The following ANKRD6 variants were observed in gnomAD, a reference collection of about 807,000 sequenced individuals.
The protein encoded by ANKRD6 is ankyrin repeat domain-containing protein 6.
In ANKRD6, 56 loss-of-function variants were observed where a neutral mutation model predicts 82.3. The ratio of observed to expected loss-of-function variants is 0.68; its 90% confidence interval spans 0.55 to 0.85. The LOEUF is 0.85. Ranked by LOEUF, ANKRD6 falls within the 40% of genes least tolerant of loss-of-function variation. The pLI is 0.00. For synonymous variants in ANKRD6, 347 were observed against 352.1 expected (o/e 0.99, Z 0.16); for missense variants, 852 against 907.6 (o/e 0.94, Z 0.79).
In ANKRD6 at chr6:89,435,911, T is replaced by C. The variant is rs139009699; in HGVS notation, c.-144+2536T>C. Among the ~76,000 whole-genome samples the C allele has an allele frequency of 4.6e-3, 703 of 152,368 alleles. 3 individuals are homozygous for C. Among genetic ancestry groups the C allele is most frequent in the Middle Eastern group, 0.01 (3 of 294 alleles). On this transcript the variant is annotated intron_variant, in intron 1 of 15. Coordinates refer to ENST00000339746, the MANE Select transcript of ANKRD6 (RefSeq NM_001242809.2). ...TGTGTTATTGTCTTTGTTTTATTTC[T>C]TCAAGGTCACATGGCTTTCCTTGGT...
intron 1 of ANKRD6, among the ~76,000 whole-genome samples, chr6:89,513,164 G>C (rs1472482197): frequency 1.3e-5 from 2 of 152,156 alleles, no homozygotes; most frequent in Admixed American, 1.3e-4. Flanking sequence ...TCAGTTTCCT[G>C]AGTAGCTGGG....
chr6:89,608,374 A>G (rs1799362920), intron 5 of ANKRD6, among the ~76,000 whole-genome samples: 1 of 102,242 alleles, frequency 9.8e-6, no homozygotes. Flanking sequence ...CACACTATAT[A>G]TATATATATA....
In ANKRD6 at chr6:89,629,097, GTTTT is replaced by G; in HGVS notation, c.1486-7_1486-4del. ...TTCTATGTACTTATTTGTGGGGTTT[GTTTT>G]TTTTTTTAAGATATCCTTGGTGGAT... On this transcript the variant is annotated splice_polypyrimidine_tract_variant and intron_variant, in intron 14 of 15. Coordinates refer to ENST00000339746, the MANE Select transcript of ANKRD6 (RefSeq NM_001242809.2). The G allele has an allele frequency of 1.5e-6, 2 of 1,346,562 alleles. No individual in the cohort carries two copies. The highest frequency in any genetic ancestry group is 2.0e-6 in the Non-Finnish European group (2 of 982,612). The allele number at this position is 1,346,562 out of a possible 1,614,324, so 83.4% of individuals were successfully genotyped here.
At chr6:89,455,145 G>A (rs1171210547) in intron 1 of ANKRD6, among the ~76,000 whole-genome samples, 1 of 142,344 alleles carries the variant, frequency 7.0e-6, no homozygotes, top group Non-Finnish European at 1.5e-5. Flanking sequence ...CACCCAGTGT[G>A]TGTGTGTTTT....
intron 1 of ANKRD6, among the ~76,000 whole-genome samples, chr6:89,545,281 G>A (rs1784956380): frequency 6.6e-6 from 1 of 152,046 alleles, no homozygotes; most frequent in African/African-American, 2.4e-5. Context: ...GGGGAATTTG[G>A]GAGTTCAAGA....
In ANKRD6 at chr6:89,579,340, A is replaced by AG. The variant is rs771719643; in HGVS notation, c.120+12248dup. ...TCAGTGTCAAATATAGTAGGCACTG[A>AG]GGGGATTCTGACAATGCAACAATGC... is the stretch of plus-strand genomic sequence containing the variant. On this transcript the variant is annotated intron_variant, in intron 2 of 15. Coordinates refer to ENST00000339746, the MANE Select transcript of ANKRD6 (RefSeq NM_001242809.2). Among the ~76,000 whole-genome samples the AG allele has an allele frequency of 1.5e-3, 228 of 152,330 alleles. 2 individuals are homozygous for AG. Among genetic ancestry groups the AG allele is most frequent in the Non-Finnish European group, 1.3e-3 (86 of 68,032 alleles).
At chr6:89,606,483 C>T (rs1798656113) in intron 5 of ANKRD6, among the ~76,000 whole-genome samples, 1 of 152,116 alleles carries the variant, frequency 6.6e-6, no homozygotes, top group African/African-American at 2.4e-5. Flanking sequence ...GTGGGCTCCC[C>T]TAGATGCTGC....
chr6:89,548,985 C>T (rs1286630465), intron 1 of ANKRD6, among the ~76,000 whole-genome samples: 1 of 152,264 alleles, frequency 6.6e-6, no homozygotes, highest in Middle Eastern at 3.4e-3. Context: ...GGCAGGTGAA[C>T]TGCTTGATCC....
At chr6:89,610,906 A>G (rs1203975538) in intron 5 of ANKRD6, among the ~76,000 whole-genome samples, 1 of 152,094 alleles carries the variant, frequency 6.6e-6, no homozygotes, top group Admixed American at 6.6e-5. Context: ...GTACTAAAAT[A>G]GGGATGCTGG....
intron 1 of ANKRD6, among the ~76,000 whole-genome samples, chr6:89,438,852 A>G (rs1770980588): frequency 6.6e-6 from 1 of 152,186 alleles, no homozygotes; most frequent in Admixed American, 6.5e-5. Flanking sequence ...CACATTGGCC[A>G]GTCTGATTTC....
intron 1 of ANKRD6, among the ~76,000 whole-genome samples, chr6:89,538,218 C>T (rs1784080689): frequency 6.6e-6 from 1 of 152,174 alleles, no homozygotes; most frequent in South Asian, 2.1e-4. Context: ...TACGTTTCTT[C>T]TCCATCTCAT....
At chr6:89,624,306 C>T (rs1804799128) in intron 12 of ANKRD6, among the ~76,000 whole-genome samples, 1 of 152,034 alleles carries the variant, frequency 6.6e-6, no homozygotes, top group Non-Finnish European at 1.5e-5. Flanking sequence ...TCTTGAGGCC[C>T]CAGGGTATAT....
intron 1 of ANKRD6, among the ~76,000 whole-genome samples, chr6:89,434,812 CA>C (rs1419471435): frequency 1.3e-5 from 2 of 151,832 alleles, no homozygotes; most frequent in Non-Finnish European, 2.9e-5. Context: ...CATATGGTAA[CA>C]AAAAATTTTT....
rs190869696 is a variant in ANKRD6, at chr6:89,552,276, G to C, written c.-143-14558G>C. Among the ~76,000 whole-genome samples, 9 of 152,326 alleles carry C rather than the reference G, an allele frequency of 5.9e-5. No individual in the cohort carries two copies. The East Asian group carries it at 1.7e-3, about 29-fold the overall frequency. On this transcript the variant is annotated intron_variant, in intron 1 of 15. Coordinates refer to ENST00000339746, the MANE Select transcript of ANKRD6 (RefSeq NM_001242809.2). The stretch of plus-strand genomic sequence containing the variant: ...CTTCCTTAGGGGTCAGAGTCCACCA[G>C]GTTAGAGTGCTTCTTCCTGCCATGG...
intron 1 of ANKRD6, among the ~76,000 whole-genome samples, chr6:89,538,799 T>C (rs1583164694): frequency 6.7e-6 from 1 of 149,238 alleles, no homozygotes; most frequent in Non-Finnish European, 1.5e-5. Context: ...ACTTTTTCTT[T>C]AAAAAAAAAA....
At chr6:89,571,746 C>T (rs1789961014) in intron 2 of ANKRD6, among the ~76,000 whole-genome samples, 1 of 152,164 alleles carries the variant, frequency 6.6e-6, no homozygotes, top group Non-Finnish European at 1.5e-5. Flanking sequence ...ACATTTGTTA[C>T]AACTGGTGAG....
intron 1 of ANKRD6, among the ~76,000 whole-genome samples, chr6:89,442,512 A>C (rs1263147722): frequency 6.6e-6 from 1 of 151,794 alleles, no homozygotes; most frequent in South Asian, 2.1e-4. Flanking sequence ...AGTCCCAGCT[A>C]TTCAGGAGTC....
At chr6:89,616,757 T>G in intron 8 of ANKRD6, 100 bp downstream of exon 8, 1 of 1,161,652 alleles carries the variant, frequency 8.6e-7, no homozygotes, top group East Asian at 2.4e-5. Flanking sequence ...CAGCGCACTC[T>G]GGAAGACGGG....
chr6:89,612,466 T>A, intron 6 of ANKRD6, 96 bp downstream of exon 6: 1 of 1,253,966 alleles, frequency 8.0e-7, no homozygotes. Flanking sequence ...ATCTAGAAAT[T>A]AAAATGTAAA....
Sources: gnomAD v4.1 joint callset for allele counts (sites outside exome capture counted in the v4.1 genomes callset) on GRCh38, gnomAD v4.1.1 for gene constraint, MANE v1.5 for transcripts, NCBI Gene and HGNC (gene_info 2026-07-23, HGNC 2026-07-21) for gene names.